ABCA6: variants seen among roughly 807,000 people sequenced by gnomAD.
ABCA6 encodes ATP binding cassette subfamily A member 6.
ABCA6 carries 164 observed loss-of-function variants against 191.2 expected under a neutral mutation model. The ratio of observed to expected loss-of-function variants is 0.86; its 90% confidence interval spans 0.76 to 0.98. The LOEUF is 0.98. ABCA6 is among the 50% of genes least tolerant of loss of function. The pLI is 0.00. For synonymous variants in ABCA6, 636 were observed against 647.7 expected (o/e 0.98, Z 0.27); for missense variants, 1,958 against 1,894.1 (o/e 1.03, Z -0.63).
intron 24 of ABCA6, 46 bp from the exon 25 acceptor site, chr17:69,096,399 C>G (rs1427808716): frequency 9.0e-7 from 1 of 1,110,152 alleles, no homozygotes; most frequent in Non-Finnish European, 1.2e-6. Context: ...TCAAATATTA[C>G]TGAGGGAAAA....
rs747043770 is a variant in ABCA6 at position 69,102,975 on chromosome 17, T to G, written c.2741-7A>C. On this transcript the variant is annotated splice_polypyrimidine_tract_variant and splice_region_variant and intron_variant, in intron 20 of 38. Coordinates refer to ENST00000284425, the MANE Select transcript of ABCA6 (RefSeq NM_080284.3). ...AAATCTTCAATATTTGATTCTAATA[T>G]GAAGTTAATAAGAGAAGGCCATAGA... is the stretch of plus-strand genomic sequence containing the variant. 6.7e-7 allele frequency: 1 copy of G among 1,485,488 alleles called. No homozygotes were observed. The allele number at this position is 1,485,488 out of a possible 1,614,324, so 92.0% of individuals were successfully genotyped here.
At chr17:69,133,557 A>G (rs2073900401) in intron 6 of ABCA6, 84 bp downstream of exon 6, 3 of 1,044,896 alleles carry the variant, frequency 2.9e-6, no homozygotes, top group Admixed American at 5.0e-5. Flanking sequence ...AGTTTAAACC[A>G]TGATGCTCTG....
chr17:69,091,377 A>G (rs2072918260), intron 25 of ABCA6, 115 bp from the exon 26 acceptor site: 2 of 1,109,980 alleles, frequency 1.8e-6, no homozygotes, highest in Non-Finnish European at 2.6e-6. Context: ...CCATATGCAG[A>G]TATACCCATT....
At chr17:69,104,636 A>G (rs1426521415) in intron 20 of ABCA6, 1 of 143,594 alleles carries the variant, frequency 7.0e-6, no homozygotes, top group Non-Finnish European at 1.5e-5. Context: ...TTCCTTCTTC[A>G]AAGTTAATTA....
At chr17:69,088,127 A>G (rs1158519956) in intron 28 of ABCA6, 40 bp downstream of exon 28, 3 of 1,513,220 alleles carry the variant, frequency 2.0e-6, no homozygotes, top group Non-Finnish European at 2.7e-6. Flanking sequence ...TAGGAATGTT[A>G]AAATATGATA....
At chr17:69,129,440 A>G (rs932673178) in intron 7 of ABCA6, among the ~76,000 whole-genome samples, 170 bp downstream of exon 7, 1 of 152,180 alleles carries the variant, frequency 6.6e-6, no homozygotes, top group Non-Finnish European at 1.5e-5. Flanking sequence ...TTTGGATTAC[A>G]TAACTTTTTC....
At chr17:69,139,105 T>A (rs1339568850) in intron 2 of ABCA6, among the ~76,000 whole-genome samples, 1 of 152,122 alleles carries the variant, frequency 6.6e-6, no homozygotes, top group Non-Finnish European at 1.5e-5. Context: ...TGAGATCTAA[T>A]TAAACTAAAG....
At chr17:69,081,857 G>A (rs947843194) in intron 36 of ABCA6, among the ~76,000 whole-genome samples, 1 of 152,194 alleles carries the variant, frequency 6.6e-6, no homozygotes, top group Non-Finnish European at 1.5e-5. Flanking sequence ...TTGCAGTAGA[G>A]GAAGGACATA....
intron 16 of ABCA6, 124 bp downstream of exon 16, chr17:69,112,059 A>G: frequency 1.4e-6 from 1 of 700,902 alleles, no homozygotes. Flanking sequence ...AGTATTCAGG[A>G]AACACTGATC....
chr17:69,127,207 G>GA (rs1361670981), intron 8 of ABCA6, among the ~76,000 whole-genome samples: 4 of 152,110 alleles, frequency 2.6e-5, no homozygotes, highest in Admixed American at 6.6e-5. Context: ...AAAACAGCCA[G>GA]AAAATATCTT....
Position 69,137,363 on chromosome 17 carries a change from C to T in ABCA6, c.234G>A (p.Val78=), listed in dbSNP as rs983551932. 1 of 1,613,608 alleles carries T rather than the reference C, an allele frequency of 6.2e-7. No individual in the cohort carries two copies. The highest frequency in any genetic ancestry group is 8.5e-7 in the Non-Finnish European group (1 of 1,179,738). The change falls in exon 3 of 39, where the codon GTG becomes GTA. Residue 78 remains valine (V), a synonymous_variant. Transcript: ENST00000284425. ...DKFNSSSLMV[V]YTPISNLTQQ... is the part of the protein sequence containing the mutation. ...GGGTTAAATTAGATATTGGTGTATA[C>T]ACAACCATTAAAGAAGAGCTATTAA...
rs1331064431 is a variant in ABCA6 at position 69,078,841 on chromosome 17, T to TTAACTAAA, written c.*131_*132insTTTAGTTA. The TTAACTAAA allele has an allele frequency of 1.3e-5, 7 of 541,366 alleles. No individual in the cohort carries two copies. Among genetic ancestry groups the TTAACTAAA allele is most frequent in the South Asian group, 1.1e-4 (3 of 26,776 alleles). The allele number at this position is 541,366 out of a possible 1,614,324, so 33.5% of individuals were successfully genotyped here. A position where few individuals can be genotyped will look rare whatever the true frequency, so the allele number is the denominator to read the frequency against. On this transcript the variant is annotated 3_prime_UTR_variant, in exon 39 of 39. Coordinates refer to ENST00000284425, the MANE Select transcript of ABCA6 (RefSeq NM_080284.3). The stretch of plus-strand genomic sequence containing the variant: ...AGGAAGAATAATTTTAAAATTTATG[T>TTAACTAAA]ATTTGTTAACTAAATTTACAAAATA...
rs2073831244 is a variant in ABCA6, at chr17:69,129,865, A to G, written c.792-114T>C. 6 of 733,874 alleles carry G rather than the reference A, an allele frequency of 8.2e-6. No homozygotes were observed. In the South Asian group the frequency reaches 1.2e-4, roughly 15 times the overall value. The allele number at this position is 733,874 out of a possible 1,614,324, so 45.5% of individuals were successfully genotyped here. On this transcript the variant is annotated intron_variant, in intron 6 of 38. Coordinates refer to ENST00000284425, the MANE Select transcript of ABCA6 (RefSeq NM_080284.3). ...GACTACCCTTGTACCTTCTAGATTA[A>G]TAACTATACTGTTAATCCTACAGCA...
At chr17:69,117,565 G>A (rs1397118384) in intron 11 of ABCA6, among the ~76,000 whole-genome samples, 1 of 151,930 alleles carries the variant, frequency 6.6e-6, no homozygotes. Context: ...TCACCGGCTA[G>A]TATAAAACCT....
At chr17:69,092,220 A>T (rs1481561950) in intron 25 of ABCA6, among the ~76,000 whole-genome samples, 1 of 152,200 alleles carries the variant, frequency 6.6e-6, no homozygotes, top group Non-Finnish European at 1.5e-5. Context: ...CCCAGATCTT[A>T]TTAATGTACT....
chr17:69,117,791 T>C, intron 11 of ABCA6, 107 bp downstream of exon 11: 1 of 751,910 alleles, frequency 1.3e-6, no homozygotes, highest in South Asian at 1.7e-5. Context: ...TATATTCTTT[T>C]TTCTTTTGCT....
At position 69,129,669 on chromosome 17, in the gene ABCA6, T is replaced by C. The variant is rs1379460063; in HGVS notation, c.874A>G (p.Ile292Val). 1 of 1,604,814 alleles carries C rather than the reference T, an allele frequency of 6.2e-7. No individual in the cohort carries two copies. The highest frequency in any genetic ancestry group is 1.1e-5 in the South Asian group (1 of 90,580). The stretch of plus-strand genomic sequence containing the variant: ...ATGACCATGAAGCCAGTCATGACTA[T>C]AATTTGGGTGAATGTTATGATAATT... ...VTIIITFTQIIVMTGFMVIFI... is the reference protein window; with the variant it reads ...VTIIITFTQIVVMTGFMVIFI... Residue 292 changes from isoleucine to valine, a missense_variant, in exon 7 of 39, where the codon ATA becomes GTA. Coordinates refer to ENST00000284425, the MANE Select transcript of ABCA6 (RefSeq NM_080284.3).
intron 26 of ABCA6, 83 bp from the exon 27 acceptor site, chr17:69,089,625 A>T: frequency 8.7e-7 from 1 of 1,151,680 alleles, no homozygotes; most frequent in Non-Finnish European, 1.2e-6. Flanking sequence ...TAAAATTCAC[A>T]TATTGAATAT....
Position 69,124,921 on chromosome 17 carries a change from G to A in ABCA6, c.1234C>T (p.Leu412=), listed in dbSNP as rs772202152. ...ATTTTGTCAAAGTATAATGCCAATAGCAAGTAGATGAGACCATCCAAAAGC... is the reference window on the plus strand; with the variant it reads ...ATTTTGTCAAAGTATAATGCCAATAACAAGTAGATGAGACCATCCAAAAGC... ...MLLLDGLIYL[L]LALYFDKILP... The change falls in exon 9 of 39, where the codon CTA becomes TTA. Residue 412 remains leucine, a synonymous_variant. Transcript: ENST00000284425. The A allele has an allele frequency of 1.3e-6, 2 of 1,573,694 alleles. No individual in the cohort carries two copies. Among genetic ancestry groups the A allele is most frequent in the Admixed American group, 3.6e-5 (2 of 55,134 alleles).
Sources: gnomAD v4.1 joint callset for allele counts (sites outside exome capture counted in the v4.1 genomes callset) on GRCh38, gnomAD v4.1.1 for gene constraint, MANE v1.5 for transcripts, NCBI Gene and HGNC (gene_info 2026-07-23, HGNC 2026-07-21) for gene names.